The following PCLO variants were observed in gnomAD, a reference collection of about 807,000 sequenced individuals.
PCLO encodes piccolo presynaptic cytomatrix protein, also known as protein piccolo.
PCLO carries 82 observed loss-of-function variants against 427.5 expected under a neutral mutation model. The ratio of observed to expected loss-of-function variants is 0.19; its 90% CI spans 0.16 to 0.23. PCLO has a LOEUF of 0.23. Among genes scored for constraint, PCLO ranks in the 10% least tolerant of loss-of-function variants. The pLI, the probability that PCLO is intolerant of heterozygous loss-of-function variation, is 1.00. For synonymous variants in PCLO, 2,357 were observed against 2,155.4 expected, an observed-to-expected ratio of 1.09 and a Z score of -2.59; for missense variants, 6,239 against 6,115.9, an observed-to-expected ratio of 1.02 and a Z score of -0.67.
intron 3 of PCLO, among the ~76,000 whole-genome samples, chr7:83,079,711 T>A (rs1488728405): frequency 6.6e-6 from 1 of 152,118 alleles, no homozygotes; most frequent in South Asian, 2.1e-4. Flanking sequence ...AGAGGATTTT[T>A]TTATTTCAAT....
intron 3 of PCLO, among the ~76,000 whole-genome samples, chr7:83,079,439 G>A (rs754197111): frequency 6.6e-6 from 1 of 150,832 alleles, no homozygotes; most frequent in Non-Finnish European, 1.5e-5. Flanking sequence ...GAACCATTGA[G>A]GGGGAGGAGA....
chr7:83,121,376 T>C (rs193209790), intron 3 of PCLO, among the ~76,000 whole-genome samples: 1 of 151,380 alleles, frequency 6.6e-6, no homozygotes, highest in Non-Finnish European at 1.5e-5. Context: ...CAAAAACCAA[T>C]AACAGATAAA....
chr7:82,780,024 T>C (rs1286769570), intron 22 of PCLO, among the ~76,000 whole-genome samples: 1 of 152,170 alleles, frequency 6.6e-6, no homozygotes, highest in Non-Finnish European at 1.5e-5. Context: ...ACAATAGAAA[T>C]TACTCCTTAC....
At chr7:82,991,066 G>T (rs2115841004) in intron 3 of PCLO, among the ~76,000 whole-genome samples, 1 of 152,226 alleles carries the variant, frequency 6.6e-6, no homozygotes, top group African/African-American at 2.4e-5. Context: ...TGATGAACAA[G>T]AATGTTATTC....
chr7:82,926,731 G>T (rs144655379), intron 6 of PCLO, among the ~76,000 whole-genome samples: 9 of 152,274 alleles, frequency 5.9e-5, no homozygotes, highest in Non-Finnish European at 1.2e-4. Flanking sequence ...GCCAGTCTGT[G>T]TGACACTTAT....
intron 3 of PCLO, among the ~76,000 whole-genome samples, chr7:83,080,161 G>C (rs901964171): frequency 3.3e-5 from 5 of 152,084 alleles, no homozygotes; most frequent in African/African-American, 1.2e-4. Context: ...TTGCTACTGT[G>C]AATAGTGCTG....
At chr7:82,999,067 T>C (rs901086219) in intron 3 of PCLO, among the ~76,000 whole-genome samples, 1 of 149,600 alleles carries the variant, frequency 6.7e-6, no homozygotes, top group Admixed American at 6.7e-5. Context: ...CTTATTAGTA[T>C]ATGGGATAGT....
intron 14 of PCLO, among the ~76,000 whole-genome samples, chr7:82,840,111 G>A (rs143379029): frequency 0.016 from 2,379 of 152,092 alleles, 25 homozygotes; most frequent in Non-Finnish European, 0.023. Flanking sequence ...AAAATAGTAG[G>A]AAAGAGAAAG....
intron 3 of PCLO, among the ~76,000 whole-genome samples, chr7:83,110,128 T>C (rs1790966205): frequency 6.6e-6 from 1 of 151,390 alleles, no homozygotes; most frequent in Admixed American, 6.6e-5. Context: ...CAATGTACCA[T>C]GTTTTCTTTA....
Position 82,953,034 on chromosome 7 carries a change from TAGA to T in PCLO, c.7916_7918del (p.Phe2639del), listed in dbSNP as rs764960807. On this transcript the variant is annotated inframe_deletion, in exon 5 of 25. Coordinates refer to ENST00000333891, the MANE Select transcript of PCLO (RefSeq NM_033026.6). Reference sequence around the variant, plus strand: ...AAATGTCTGTAAAGCTCCAGAGATGTAGAAGGTCTGTTCTGAAGAAATTGGAAT... The same window carrying T: ...AAATGTCTGTAAAGCTCCAGAGATGTAGGTCTGTTCTGAAGAAATTGGAAT... The T allele has an allele frequency of 6.2e-7, 1 of 1,613,784 alleles. No homozygotes were observed. Among genetic ancestry groups the T allele is most frequent in the Non-Finnish European group, 8.5e-7 (1 of 1,179,870 alleles).
chr7:82,905,617 A>G (rs1243053699), intron 8 of PCLO, among the ~76,000 whole-genome samples: 2 of 151,966 alleles, frequency 1.3e-5, no homozygotes, highest in Non-Finnish European at 2.9e-5. Context: ...GTGTCAGGGG[A>G]GTCTTCTTGC....
At position 82,914,783 on chromosome 7, in the gene PCLO, A is replaced by C; in HGVS notation, c.13203T>G (p.Val4401=). The C allele has an allele frequency of 1.9e-6, 3 of 1,613,362 alleles. No homozygotes were observed. Among genetic ancestry groups the C allele is most frequent in the Non-Finnish European group, 2.5e-6 (3 of 1,179,648 alleles). Reference sequence around the variant, plus strand: ...GTGATTCTTCCCTCATGTGTTGCTGAACTTCAGGCAATGAGTGGCTTGATC... The same window carrying C: ...GTGATTCTTCCCTCATGTGTTGCTGCACTTCAGGCAATGAGTGGCTTGATC... ...QFGSSHSLPE[V]QQHMREESRT... The change falls in exon 7 of 25, where the codon GTT becomes GTG. Residue 4401 remains valine, a synonymous_variant. Coordinates refer to ENST00000333891, the MANE Select transcript of PCLO (RefSeq NM_033026.6).
chr7:83,044,681 A>G (rs1011332019), intron 3 of PCLO, among the ~76,000 whole-genome samples: 14 of 152,176 alleles, frequency 9.2e-5, no homozygotes, highest in African/African-American at 3.4e-4. Context: ...AAGAAAGGAA[A>G]TATTATACTG....
At chr7:83,028,192 G>A (rs894247576) in intron 3 of PCLO, among the ~76,000 whole-genome samples, 1 of 152,072 alleles carries the variant, frequency 6.6e-6, no homozygotes, top group African/African-American at 2.4e-5. Context: ...TGACATGATT[G>A]TATATCTAGA....
At position 82,949,463 on chromosome 7, in the gene PCLO, G is replaced by GA. The variant is rs761903748; in HGVS notation, c.11112+12dup. ...TCATCCATTGCCTTCCAACTGAAAAGAATCACTCTTACCGTATAGCCCTCG... is the reference window on the plus strand; with the variant it reads ...TCATCCATTGCCTTCCAACTGAAAAGAAATCACTCTTACCGTATAGCCCTCG... On this transcript the variant is annotated intron_variant, in intron 6 of 24. Transcript: ENST00000333891. 1.9e-6 allele frequency: 3 copies of GA among 1,541,810 alleles called. No homozygotes were observed. Among genetic ancestry groups the GA allele is most frequent in the Middle Eastern group, 1.7e-4 (1 of 5,726 alleles).
chr7:83,129,557 G>T (rs1562979130), intron 3 of PCLO, among the ~76,000 whole-genome samples: 1 of 152,076 alleles, frequency 6.6e-6, no homozygotes, highest in African/African-American at 2.4e-5. Flanking sequence ...TTTCCAAAGA[G>T]AATTTGTTAT....
intron 3 of PCLO, among the ~76,000 whole-genome samples, chr7:83,024,438 G>A (rs999200570): frequency 2.0e-5 from 3 of 152,202 alleles, no homozygotes; most frequent in Middle Eastern, 3.2e-3. Flanking sequence ...TATCCCGCAC[G>A]TGGCTCGGAG....
At position 82,950,980 on chromosome 7, in the gene PCLO, A is replaced by G. The variant is rs1795329740; in HGVS notation, c.9608T>C (p.Ile3203Thr). The part of the protein sequence containing the change: ...EVVGDESALL[I>T]VPEEDKQQQQ... ...CTGTTGTTTATCTTCTTCAGGGACAATTAAAAGAGCACTTTCATCTCCCAC... is the reference window on the plus strand; with the variant it reads ...CTGTTGTTTATCTTCTTCAGGGACAGTTAAAAGAGCACTTTCATCTCCCAC... Residue 3203 changes from isoleucine to threonine, a missense_variant, in exon 6 of 25, where the codon ATT becomes ACT. By Grantham distance (89) the Ile-to-Thr change is moderately conservative (BLOSUM62 -1). This residue lies in a region of PCLO where 4,677 missense variants were observed against 4,468.4 expected (regional missense o/e 1.05). Coordinates refer to ENST00000333891, the MANE Select transcript of PCLO (RefSeq NM_033026.6). 1 of 1,613,700 alleles carries G rather than the reference A, an allele frequency of 6.2e-7. No homozygotes were observed. The highest frequency in any genetic ancestry group is 1.3e-5 in the African/African-American group (1 of 75,034).
chr7:83,057,311 T>TATATAC lies in PCLO; in HGVS notation c.3300+76933_3300+76938dup, dbSNP rs1178881098. Among the ~76,000 whole-genome samples, 365 of 53,830 alleles carry TATATAC rather than the reference T, an allele frequency of 6.8e-3. 10 individuals are homozygous for TATATAC. Among genetic ancestry groups the TATATAC allele is most frequent in the East Asian group, 0.018 (33 of 1,880 alleles). The allele number at this position is 53,830 out of a possible 152,430, so 35.3% of individuals were successfully genotyped here. On this transcript the variant is annotated intron_variant, in intron 3 of 24. Transcript: ENST00000333891. The stretch of plus-strand genomic sequence containing the variant: ...TCCATCTGAAGGAAAATAATCATTA[T>TATATAC]ATATACATATATATATATATATATA...
Sources: allele counts gnomAD v4.1 joint callset (sites outside exome capture counted in the v4.1 genomes callset), GRCh38; gene constraint gnomAD v4.1.1; regional missense constraint gnomAD v4.1.1; transcripts MANE v1.5; gene names NCBI Gene and HGNC (gene_info 2026-07-23, HGNC 2026-07-21).